The following PLOD1 variants were observed in gnomAD, a reference collection of about 807,000 sequenced individuals.
PLOD1 encodes lysine hydroxylase.
Under a neutral mutation model 94.7 loss-of-function variants are expected in PLOD1, and 70 were observed. The ratio of observed to expected loss-of-function variants is 0.74; its 90% CI spans 0.61 to 0.90. The LOEUF (loss-of-function observed/expected upper bound fraction) is 0.90. Among genes scored for constraint, PLOD1 ranks in the 40% least tolerant of loss-of-function variants. The probability of loss-of-function intolerance (pLI) is 0.00; values close to 1 mark genes in which losing one functional copy is unlikely to be tolerated. For missense variants in PLOD1, 905 were observed against 972.7 expected, an observed-to-expected ratio of 0.93 and a Z score of 0.93; for synonymous variants, 417 against 400.2, an observed-to-expected ratio of 1.04 and a Z score of -0.50.
intron 3 of PLOD1, 33 bp downstream of exon 3, chr1:11,949,939 C>T (rs753590637): frequency 5.6e-6 from 9 of 1,608,398 alleles, no homozygotes; most frequent in South Asian, 2.2e-5. Flanking sequence ...GCCTGGGCCC[C>T]TCCGCGGAAG....
At chr1:11,969,048 G>A (rs565953940) in intron 16 of PLOD1, among the ~76,000 whole-genome samples, 20 of 141,222 alleles carry the variant, frequency 1.4e-4, no homozygotes, top group Non-Finnish European at 2.4e-4. Flanking sequence ...TTTTTGAGAC[G>A]GAGTTTTGCT....
chr1:11,940,591 T>C (rs1645608948), intron 1 of PLOD1, among the ~76,000 whole-genome samples: 1 of 152,196 alleles, frequency 6.6e-6, no homozygotes, highest in African/African-American at 2.4e-5. Flanking sequence ...TGCCCAGCAA[T>C]CTGTCTTTAG....
intron 5 of PLOD1, chr1:11,954,556 C>G (rs185135638): frequency 2.8e-6 from 2 of 710,630 alleles, no homozygotes; most frequent in Non-Finnish European, 5.3e-6. Flanking sequence ...TTACTCTTAA[C>G]GGCCGTCATT....
In PLOD1 at chr1:11,949,482, C is replaced by T. The variant is rs375895802; in HGVS notation, c.169-291C>T. Among the ~76,000 whole-genome samples, 56 of 152,162 alleles carry T rather than the reference C, an allele frequency of 3.7e-4. No individual in the cohort carries two copies. The South Asian group carries it at 5.6e-3, about 15-fold the overall frequency. ...TCTCCCAGGCTGAAGTGCAATGGAG[C>T]GATTTCGGCTCACTGGAACCCCCAC... On this transcript the variant is annotated intron_variant, in intron 2 of 18. Coordinates refer to ENST00000196061, the MANE Select transcript of PLOD1 (RefSeq NM_000302.4).
chr1:11,967,655 TATA>T (rs1309111019), intron 16 of PLOD1, among the ~76,000 whole-genome samples: 4 of 112,754 alleles, frequency 3.5e-5, no homozygotes, highest in East Asian at 3.1e-4. Context: ...TATATATATA[TATA>T]TTTTTTTTAA....
intron 10 of PLOD1, among the ~76,000 whole-genome samples, chr1:11,962,274 C>CTTTTTTTTTTT (rs780613164): frequency 1.3e-4 from 13 of 99,086 alleles, no homozygotes; most frequent in Non-Finnish European, 1.9e-4. Flanking sequence ...TTTTTGTTTT[C>CTTTTTTTTTTT]TTTTTTTTTT....
chr1:11,975,206 T>G lies in PLOD1; in HGVS notation c.*398T>G, dbSNP rs1645895770. 1 of 314,072 alleles carries G rather than the reference T, an allele frequency of 3.2e-6. No individual in the cohort carries two copies. The highest frequency in any genetic ancestry group is 6.2e-6 in the Non-Finnish European group (1 of 160,248). 19.5% of individuals were successfully genotyped at this position (314,072 alleles called of 1,614,324 possible). On this transcript the variant is annotated 3_prime_UTR_variant, in exon 19 of 19. Coordinates refer to ENST00000196061, the MANE Select transcript of PLOD1 (RefSeq NM_000302.4). Reference sequence around the variant, plus strand: ...CTGGGTGAGAAGCCATGGCCAGAGCTTCTCCCAGGCACAGGTGTTGCACCA... The same window carrying G: ...CTGGGTGAGAAGCCATGGCCAGAGCGTCTCCCAGGCACAGGTGTTGCACCA...
At chr1:11,961,087 T>C (rs1251562244) in intron 10 of PLOD1, among the ~76,000 whole-genome samples, 1 of 150,506 alleles carries the variant, frequency 6.6e-6, no homozygotes, top group African/African-American at 2.5e-5. Context: ...TACTTTATTA[T>C]ATATAAAAAA....
chr1:11,960,803 G>A, intron 10 of PLOD1, 36 bp downstream of exon 10: 1 of 1,610,534 alleles, frequency 6.2e-7, no homozygotes, highest in Non-Finnish European at 8.5e-7. Flanking sequence ...CACTGACAGT[G>A]GGGGCAGGGG....
chr1:11,945,496 G>T (rs1190864010), intron 1 of PLOD1, among the ~76,000 whole-genome samples: 8 of 151,748 alleles, frequency 5.3e-5, no homozygotes, highest in Non-Finnish European at 1.2e-4. Context: ...TGCATGGGAG[G>T]TCCCTTGCAT....
At chr1:11,951,873 C>G (rs916464088) in intron 4 of PLOD1, among the ~76,000 whole-genome samples, 2 of 151,900 alleles carry the variant, frequency 1.3e-5, no homozygotes, top group African/African-American at 4.8e-5. Context: ...GAGCCGAGAT[C>G]GTGCCACTGC....
chr1:11,949,997 A>C (rs1645688055), intron 3 of PLOD1, 91 bp downstream of exon 3: 1 of 1,338,040 alleles, frequency 7.5e-7, no homozygotes, highest in Non-Finnish European at 1.1e-6. Flanking sequence ...TCGGGGAAGA[A>C]GGGGGACCAC....
At position 11,952,741 on chromosome 1, in the gene PLOD1, AGGCAGTG is replaced by A; in HGVS notation, c.579+10_579+16del. On this transcript the variant is annotated splice_region_variant and intron_variant, in intron 5 of 18. Transcript: ENST00000196061. The stretch of plus-strand genomic sequence containing the variant: ...TCTTGGACCCGGAGAAGAGGGTAAG[AGGCAGTG>A]GGCGGGCCAAGGAGAGGGGGCTGGG... 1 of 1,601,092 alleles carries A rather than the reference AGGCAGTG, an allele frequency of 6.2e-7. No individual in the cohort carries two copies. The highest frequency in any genetic ancestry group is 1.1e-5 in the South Asian group (1 of 90,808).
intron 2 of PLOD1, among the ~76,000 whole-genome samples, chr1:11,949,188 T>C (rs1359842590): frequency 1.3e-5 from 2 of 152,138 alleles, no homozygotes; most frequent in African/African-American, 4.8e-5. Context: ...AGGAAAGGCC[T>C]GCAGACTGTT....
intron 1 of PLOD1, among the ~76,000 whole-genome samples, chr1:11,944,947 G>A (rs189194394): frequency 6.6e-6 from 1 of 152,372 alleles, no homozygotes; most frequent in Non-Finnish European, 1.5e-5. Context: ...GGTGAGAAGT[G>A]TAAGCTGCAG....
chr1:11,970,323 C>T (rs940017272), intron 16 of PLOD1, among the ~76,000 whole-genome samples: 1 of 152,116 alleles, frequency 6.6e-6, no homozygotes, highest in Non-Finnish European at 1.5e-5. Context: ...GTCCCAGCTA[C>T]ACGGGAGGGT....
intron 12 of PLOD1, 98 bp downstream of exon 12, chr1:11,964,398 C>A: frequency 7.7e-7 from 1 of 1,296,078 alleles, no homozygotes; most frequent in Non-Finnish European, 1.1e-6. Context: ...TTCTTGTTAC[C>A]CTCAAATTCC....
chr1:11,938,793 G>T (rs1202814865), intron 1 of PLOD1, among the ~76,000 whole-genome samples: 2 of 152,088 alleles, frequency 1.3e-5, no homozygotes, highest in African/African-American at 2.4e-5. Flanking sequence ...AACATGGACC[G>T]TTTTCACTTT....
At position 11,963,207 on chromosome 1, in the gene PLOD1, C is replaced by T. The variant is rs1645791122; in HGVS notation, c.1098-325C>T. On this transcript the variant is annotated intron_variant, in intron 10 of 18. Transcript: ENST00000196061. The surrounding 1 kb of genome is among the most constrained non-coding windows in gnomAD (Gnocchi z 4.3). ...ACACAGATTTTTAAGGCTTTTGGTA[C>T]AAGTTACCAAATTGCATTTCAGAAA... 6.6e-6 allele frequency among the ~76,000 whole-genome samples: 1 copy of T among 152,172 alleles called. No individual in the cohort carries two copies. The highest frequency in any genetic ancestry group is 2.4e-5 in the African/African-American group (1 of 41,446).
Sources: gnomAD v4.1 joint callset for allele counts (sites outside exome capture counted in the v4.1 genomes callset) on GRCh38, gnomAD v4.1.1 for gene constraint, Gnocchi (gnomAD v3.1) non-coding constraint, MANE v1.5 for transcripts, NCBI Gene and HGNC (gene_info 2026-07-23, HGNC 2026-07-21) for gene names.